The following BEGAIN variants were observed in gnomAD, a reference collection of about 807,000 sequenced individuals.
BEGAIN encodes the protein brain-enriched guanylate kinase-associated protein.
In BEGAIN, 19 loss-of-function variants were observed where a neutral mutation model predicts 35.8. The observed-to-expected ratio is 0.53, with a 90% CI of 0.37 to 0.78. The LOEUF (loss-of-function observed/expected upper bound fraction) is 0.78. Among genes scored for constraint, BEGAIN ranks in the 30% least tolerant of loss-of-function variants. The pLI, the probability that BEGAIN is intolerant of heterozygous loss-of-function variation, is 0.00. For synonymous variants in BEGAIN, 462 were observed against 388.6 expected, an observed-to-expected ratio of 1.19 and a Z score of -2.22; for missense variants, 795 against 853.6, an observed-to-expected ratio of 0.93 and a Z score of 0.85.
In BEGAIN at chr14:100,584,654, G is replaced by T. The variant is rs369686988; in HGVS notation, c.42+2595C>A. ...CTCTGGCCAGCTTCTCCCACCACAGGCTACAATCTGATGCCTGCTCTCAGG... is the reference window on the plus strand; with the variant it reads ...CTCTGGCCAGCTTCTCCCACCACAGTCTACAATCTGATGCCTGCTCTCAGG... On this transcript the variant is annotated intron_variant, in intron 1 of 6. Coordinates refer to ENST00000554140, the MANE Select transcript of BEGAIN (RefSeq NM_001385089.1). Among the ~76,000 whole-genome samples the T allele has an allele frequency of 1.8e-4, 27 of 152,214 alleles. No individual in the cohort carries two copies. In the East Asian group the frequency reaches 3.9e-3, roughly 22 times the overall value.
At chr14:100,541,449 CA>C (rs1333914634) in intron 5 of BEGAIN, among the ~76,000 whole-genome samples, 1 of 152,222 alleles carries the variant, frequency 6.6e-6, no homozygotes, top group African/African-American at 2.4e-5. Flanking sequence ...TCTGTCCCCC[CA>C]CCACGGCCCT....
chr14:100,554,079 G>A (rs2033467851), intron 2 of BEGAIN, among the ~76,000 whole-genome samples: 1 of 152,218 alleles, frequency 6.6e-6, no homozygotes, highest in Non-Finnish European at 1.5e-5. Flanking sequence ...AAGCCCATGG[G>A]GCCCTGCCGG....
intron 3 of BEGAIN, 105 bp from the exon 4 acceptor site, chr14:100,545,171 C>A: frequency 6.3e-7 from 1 of 1,578,586 alleles, no homozygotes. Context: ...TTTGGACCTC[C>A]TGAGCTCACC....
chr14:100,546,335 C>CCCCCCCCCCG, intron 3 of BEGAIN, 166 bp downstream of exon 3: 3 of 408,254 alleles, frequency 7.3e-6, no homozygotes, highest in Non-Finnish European at 1.1e-5. Context: ...TCGGGCCCTG[C>CCCCCCCCCCG]CCCACCCCGG....
intron 2 of BEGAIN, among the ~76,000 whole-genome samples, chr14:100,561,697 C>T (rs1173967071): frequency 2.0e-5 from 3 of 150,096 alleles, no homozygotes; most frequent in African/African-American, 2.5e-5. Flanking sequence ...TCCAGCCTGG[C>T]GGACAGAGCA....
Position 100,567,780 on chromosome 14 carries a change from G to T in BEGAIN, c.71+131C>A. The T allele has an allele frequency of 2.2e-6, 2 of 912,980 alleles. No homozygotes were observed. Among genetic ancestry groups the T allele is most frequent in the South Asian group, 2.2e-5 (1 of 44,976 alleles). The allele number at this position is 912,980 out of a possible 1,614,324, so 56.6% of individuals were successfully genotyped here. ...CGCACCACACACACGCACCTGGCCC[G>T]CAGCCCCGCCGAGGCCGCCCGCGGG... On this transcript the variant is annotated intron_variant, in intron 2 of 6. Coordinates refer to ENST00000554140, the MANE Select transcript of BEGAIN (RefSeq NM_001385089.1). The surrounding 1 kb of genome is among the most constrained non-coding windows in gnomAD (Gnocchi z 5.1).
intron 1 of BEGAIN, among the ~76,000 whole-genome samples, chr14:100,571,019 C>T (rs183823158): frequency 5.9e-5 from 9 of 152,076 alleles, no homozygotes; most frequent in East Asian, 1.9e-4. Context: ...AGTGAGGGGG[C>T]GGGATCTCCC....
At chr14:100,552,039 G>A (rs1405118086) in intron 2 of BEGAIN, among the ~76,000 whole-genome samples, 3 of 152,128 alleles carry the variant, frequency 2.0e-5, no homozygotes, top group Admixed American at 1.3e-4. Context: ...CTCATGGCCC[G>A]ACCAAGGCCA....
Position 100,563,120 on chromosome 14 carries a change from T to C in BEGAIN, c.71+4791A>G, listed in dbSNP as rs1040143863. Among the ~76,000 whole-genome samples the C allele has an allele frequency of 1.3e-5, 2 of 152,216 alleles. No homozygotes were observed. The highest frequency in any genetic ancestry group is 2.9e-5 in the Non-Finnish European group (2 of 68,040). On this transcript the variant is annotated intron_variant, in intron 2 of 6. Transcript: ENST00000554140. The surrounding 1 kb of genome is among the most constrained non-coding windows in gnomAD (Gnocchi z 4.2). Reference sequence around the variant, plus strand: ...TGTCTCCATCCCTGGGACATCAGCCTGGCACTTCTGCAGAGTGTCTCAGCC... The same window carrying C: ...TGTCTCCATCCCTGGGACATCAGCCCGGCACTTCTGCAGAGTGTCTCAGCC...
intron 2 of BEGAIN, among the ~76,000 whole-genome samples, chr14:100,561,867 A>T (rs1210004289): frequency 1.3e-5 from 2 of 152,112 alleles, no homozygotes; most frequent in Non-Finnish European, 2.9e-5. Flanking sequence ...CTGTGGGGAC[A>T]AAGGCACCCT....
intron 1 of BEGAIN, among the ~76,000 whole-genome samples, chr14:100,576,757 A>G (rs192835668): frequency 2.5e-4 from 38 of 152,310 alleles, no homozygotes; most frequent in African/African-American, 8.9e-4. Context: ...CAGCTCCATC[A>G]CCAGGACAGC....
chr14:100,546,776 GCGCGCACACACACACACACACA>G (rs1323557074), intron 2 of BEGAIN, 114 bp from the exon 3 acceptor site: 3 of 677,850 alleles, frequency 4.4e-6, no homozygotes, highest in Non-Finnish European at 6.3e-6. Flanking sequence ...GCGCGCGCGC[GCGCGCACACACACACACACACA>G]CACACACACA....
Position 100,538,836 on chromosome 14 carries a change from G to A in BEGAIN, c.972C>T (p.Ala324=), listed in dbSNP as rs1448918230. The change falls in exon 7 of 7, where the codon GCC becomes GCT. Residue 324 remains alanine (A), a synonymous_variant. Coordinates refer to ENST00000554140, the MANE Select transcript of BEGAIN (RefSeq NM_001385089.1). ...GCGCGTGCTCCTTCTCCTCCGACGT[G>A]GCGCTGAAGCTGGAGTAGGAGCTGG... ...PTSSSYSSFS[A]TSEEKEHAQA... The A allele has an allele frequency of 6.2e-7, 1 of 1,606,088 alleles. No individual in the cohort carries two copies. The highest frequency in any genetic ancestry group is 8.5e-7 in the Non-Finnish European group (1 of 1,177,940).
chr14:100,551,400 A>G (rs974963106), intron 2 of BEGAIN, among the ~76,000 whole-genome samples: 1 of 152,210 alleles, frequency 6.6e-6, no homozygotes, highest in Non-Finnish European at 1.5e-5. Flanking sequence ...CTCTGCCTAG[A>G]GGGGCTGGTT....
At position 100,546,627 on chromosome 14, in the gene BEGAIN, C is replaced by T. The variant is rs1244674071; in HGVS notation, c.107G>A (p.Arg36Gln). The T allele has an allele frequency of 1.1e-5, 18 of 1,580,918 alleles. No homozygotes were observed. Among genetic ancestry groups the T allele is most frequent in the African/African-American group, 1.4e-5 (1 of 71,666 alleles). The change falls in exon 3 of 7, where the codon CGG (arginine) becomes CAG (glutamine). Residue 36 changes from arginine (R) to glutamine (Q), a missense_variant. Coordinates refer to ENST00000554140, the MANE Select transcript of BEGAIN (RefSeq NM_001385089.1). ...GAGCTTGTGTGTGGTGTAGGACAGC[C>T]GCTTGCGCAGCTCGCCCTTCTGCTC... is the stretch of plus-strand genomic sequence containing the variant. ...LQEQKGELRK[R>Q]LSYTTHKLEK...
chr14:100,568,011 G>A lies in BEGAIN; in HGVS notation c.43-72C>T, dbSNP rs1416954004. 16 of 1,313,906 alleles carry A rather than the reference G, an allele frequency of 1.2e-5. No individual in the cohort carries two copies. Among genetic ancestry groups the A allele is most frequent in the South Asian group, 1.7e-5 (1 of 60,296 alleles). 81.4% of individuals were successfully genotyped at this position (1,313,906 alleles called of 1,614,324 possible). ...CCGCGGCCGCGCCGGGCAGAGCCGG[G>A]CACAGCGGGCACGGCCGGGCAACCC... On this transcript the variant is annotated intron_variant, in intron 1 of 6. Transcript: ENST00000554140. This position sits in a 1 kb window ranked among gnomAD's most constrained non-coding sequence, Gnocchi z 7.5.
At chr14:100,570,809 G>C (rs1453631911) in intron 1 of BEGAIN, among the ~76,000 whole-genome samples, 1 of 152,160 alleles carries the variant, frequency 6.6e-6, no homozygotes, top group Admixed American at 6.5e-5. Flanking sequence ...TTGACCACAA[G>C]ACTCGGTGAT....
Position 100,538,436 on chromosome 14 carries a change from C to T in BEGAIN, c.1372G>A (p.Ala458Thr), listed in dbSNP as rs933493953. ...CGTTCAGAGAAGCTGCAGGGTGAGG[C>T]GCGGCCGGCAGCGCTCACGGGGTAG... is the stretch of plus-strand genomic sequence containing the variant. ...YSYPVSAAGR[A>T]SPCSFSERYY... Residue 458 changes from alanine to threonine, a missense_variant, in exon 7 of 7, where the codon GCC becomes ACC. Around this residue, in one of 3 missense-constraint regions of BEGAIN, gnomAD observed 664 missense variants for 647.7 expected, o/e 1.03. Transcript: ENST00000554140. 5.7e-6 allele frequency: 9 copies of T among 1,587,464 alleles called. No homozygotes were observed. The African/African-American group carries it at 1.1e-4, about 19-fold the overall frequency.
At chr14:100,543,498 C>T (rs1360349021) in intron 5 of BEGAIN, among the ~76,000 whole-genome samples, 2 of 152,192 alleles carry the variant, frequency 1.3e-5, no homozygotes, top group Admixed American at 6.5e-5. Flanking sequence ...TGGGACTGGC[C>T]AAGGGCAGGA....
Sources: allele counts gnomAD v4.1 joint callset (sites outside exome capture counted in the v4.1 genomes callset), GRCh38; gene constraint gnomAD v4.1.1; regional missense constraint gnomAD v4.1.1; non-coding constraint Gnocchi (gnomAD v3.1); transcripts MANE v1.5; gene names NCBI Gene and HGNC (gene_info 2026-07-23, HGNC 2026-07-21).